CEP63: variants seen among roughly 807,000 people sequenced by gnomAD.
CEP63 encodes the protein centrosomal protein of 63 kDa.
Under a neutral mutation model 89.1 loss-of-function variants are expected in CEP63, and 84 were observed. That is an observed-to-expected ratio of 0.94 (90% CI 0.79 to 1.13). The LOEUF is 1.13. Among genes scored for constraint, CEP63 ranks in the 50% most tolerant of loss-of-function variants. The pLI, the probability that CEP63 is intolerant of heterozygous loss-of-function variation, is 0.00. For missense variants in CEP63, 838 were observed against 813.3 expected (o/e 1.03, Z -0.37); for synonymous variants, 267 against 272.5 (o/e 0.98, Z 0.20).
chr3:134,493,306 G>A (rs1576708521), intron 1 of CEP63, among the ~76,000 whole-genome samples: 1 of 151,738 alleles, frequency 6.6e-6, no homozygotes, highest in East Asian at 1.9e-4. Context: ...ACAAGTCCGA[G>A]AATATAAAGC....
At chr3:134,634,764 C>A in the CEP63 span, among the ~76,000 whole-genome samples, 3 of 152,178 alleles carry the variant, frequency 2.0e-5, no homozygotes, top group Non-Finnish European at 1.5e-5. Context: ...AGAGGGCCAA[C>A]TTTTCCTACA....
the CEP63 span, among the ~76,000 whole-genome samples, chr3:134,733,280 C>T: frequency 1.3e-5 from 2 of 151,958 alleles, no homozygotes; most frequent in Non-Finnish European, 2.9e-5. Flanking sequence ...GAATTGTCTG[C>T]CAGCACACAT....
chr3:134,568,328 C>T (rs572666655), downstream of CEP63, among the ~76,000 whole-genome samples: 26 of 152,194 alleles, frequency 1.7e-4, no homozygotes, highest in Admixed American at 1.6e-3. Context: ...TTTCAGATCC[C>T]CAACTTAAAT....
chr3:134,605,325 C>G, the CEP63 span, among the ~76,000 whole-genome samples: 1,198 of 152,278 alleles, frequency 7.9e-3, 31 homozygotes, highest in Admixed American at 0.047. Context: ...GTCATCTGCT[C>G]CCAGCCCCAG....
At chr3:134,683,874 C>T in the CEP63 span, among the ~76,000 whole-genome samples, 38 of 152,178 alleles carry the variant, frequency 2.5e-4, no homozygotes, top group African/African-American at 8.9e-4. Context: ...GGGTTGGGGT[C>T]ACCTGCCCAC....
In CEP63 at chr3:134,547,462, C is replaced by T; in HGVS notation, c.1057C>T (p.Leu353Phe). 6.2e-7 allele frequency: 1 copy of T among 1,613,546 alleles called. No individual in the cohort carries two copies. The highest frequency in any genetic ancestry group is 8.5e-7 in the Non-Finnish European group (1 of 1,179,676). ...CCTTCTGCAGGCAGAGGTGACTTGTCTTGAAGGCAGGTACATAATTATACA... is the reference window on the plus strand; with the variant it reads ...CCTTCTGCAGGCAGAGGTGACTTGTTTTGAAGGCAGGTACATAATTATACA... ...EDLLQAEVTC[L>F]EGSLESVSAT... The change falls in exon 9 of 15, where the codon CTT becomes TTT. Residue 353 changes from leucine to phenylalanine, a missense_variant. Leu to Phe is a conservative substitution (Grantham distance 22). Transcript: ENST00000675561.
At chr3:134,606,130 T>C in the CEP63 span, among the ~76,000 whole-genome samples, 1 of 152,132 alleles carries the variant, frequency 6.6e-6, no homozygotes, top group Non-Finnish European at 1.5e-5. Context: ...CCTCAGCTCC[T>C]CACTGCTCAC....
intron 6 of CEP63, 76 bp downstream of exon 6, chr3:134,537,344 C>G (rs1950966642): frequency 1.1e-6 from 1 of 926,444 alleles, no homozygotes; most frequent in Non-Finnish European, 1.8e-6. Context: ...ATGCAGTGTC[C>G]TAGTACCATT....
the CEP63 span, among the ~76,000 whole-genome samples, chr3:134,618,942 C>A: frequency 2.0e-5 from 3 of 152,218 alleles, no homozygotes; most frequent in East Asian, 5.8e-4. Context: ...TATGTTAATG[C>A]ATCGCGAAGC....
At chr3:134,518,590 T>G (rs762367247) in intron 3 of CEP63, among the ~76,000 whole-genome samples, 1 of 152,190 alleles carries the variant, frequency 6.6e-6, no homozygotes, top group Non-Finnish European at 1.5e-5. Flanking sequence ...TTGGACTGAA[T>G]AATAATGAAT....
the CEP63 span, among the ~76,000 whole-genome samples, chr3:134,624,136 C>A: frequency 2.6e-5 from 4 of 152,122 alleles, no homozygotes; most frequent in African/African-American, 7.2e-5. Context: ...TACTGATGCA[C>A]CCTCCAGGAG....
At chr3:134,682,220 T>C in the CEP63 span, among the ~76,000 whole-genome samples, 1 of 152,204 alleles carries the variant, frequency 6.6e-6, no homozygotes, top group Non-Finnish European at 1.5e-5. Context: ...TCAGGAGAAT[T>C]AGTTCCTAAA....
chr3:134,663,835 C>T, the CEP63 span, among the ~76,000 whole-genome samples: 1 of 152,224 alleles, frequency 6.6e-6, no homozygotes, highest in Non-Finnish European at 1.5e-5. Context: ...GCTCAGCTGT[C>T]CTCCTTGCTC....
the CEP63 span, chr3:134,640,014 C>A: frequency 6.6e-6 from 1 of 151,494 alleles, no homozygotes; most frequent in African/African-American, 2.5e-5. Flanking sequence ...CTTGTGATTA[C>A]TCTCCTTACA....
chr3:134,584,088 G>A (rs935368384), intron 10 of CEP63, among the ~76,000 whole-genome samples: 1 of 152,136 alleles, frequency 6.6e-6, no homozygotes, highest in Non-Finnish European at 1.5e-5. Context: ...TGAGATGATG[G>A]GGTTTTCTAA....
the CEP63 span, among the ~76,000 whole-genome samples, chr3:134,738,378 G>T: frequency 6.6e-6 from 1 of 152,076 alleles, no homozygotes; most frequent in Non-Finnish European, 1.5e-5. Context: ...ATAAACCTGC[G>T]TGTGCAAGTA....
chr3:134,660,784 A>G, the CEP63 span, among the ~76,000 whole-genome samples: 1 of 152,294 alleles, frequency 6.6e-6, no homozygotes, highest in South Asian at 2.1e-4. Context: ...GCAGATTTCC[A>G]ATCTTTGGTG....
At chr3:134,675,714 A>G in the CEP63 span, among the ~76,000 whole-genome samples, 3 of 152,364 alleles carry the variant, frequency 2.0e-5, no homozygotes, top group African/African-American at 7.2e-5. Context: ...AATAATGGCC[A>G]AAGGCTTTGA....
the CEP63 span, among the ~76,000 whole-genome samples, chr3:134,718,343 G>T: frequency 2.6e-5 from 4 of 152,318 alleles, no homozygotes; most frequent in Admixed American, 2.6e-4. Context: ...GAGAAAAACA[G>T]TATAGAAAGA....
Sources: gnomAD v4.1 joint callset for allele counts (sites outside exome capture counted in the v4.1 genomes callset) on GRCh38, gnomAD v4.1.1 for gene constraint, MANE v1.5 for transcripts, NCBI Gene and HGNC (gene_info 2026-07-23, HGNC 2026-07-21) for gene names.